FREM1: variants seen among roughly 807,000 people sequenced by gnomAD.
FREM1 encodes the protein FRAS1 related extracellular matrix 1, also known as FRAS1-related extracellular matrix protein 1.
Under a neutral mutation model 210.1 loss-of-function variants are expected in FREM1, and 220 were observed. The observed-to-expected ratio is 1.05, with a 90% CI of 0.94 to 1.17. The LOEUF is 1.17. Ranked by LOEUF, FREM1 falls within the 50% of genes most tolerant of loss-of-function variation. The pLI is 0.00. For missense variants in FREM1, 3,454 were observed against 2,675.5 expected, an observed-to-expected ratio of 1.29 and a Z score of -6.42; for synonymous variants, 1,189 against 980.2, an observed-to-expected ratio of 1.21 and a Z score of -3.98.
chr9:14,903,440 A>T (rs1460842288), intron 1 of FREM1, among the ~76,000 whole-genome samples: 2 of 151,938 alleles, frequency 1.3e-5, no homozygotes, highest in Non-Finnish European at 2.9e-5. Context: ...ATGACAATGG[A>T]TTCATGTTAA....
At chr9:14,843,433 G>T (rs1826030322) in intron 8 of FREM1, among the ~76,000 whole-genome samples, 1 of 152,070 alleles carries the variant, frequency 6.6e-6, no homozygotes, top group African/African-American at 2.4e-5. Flanking sequence ...AGCCTAACAA[G>T]GAACCTCTCA....
At chr9:14,821,688 C>T (rs1339945205) in intron 13 of FREM1, among the ~76,000 whole-genome samples, 2 of 152,136 alleles carry the variant, frequency 1.3e-5, no homozygotes, top group Non-Finnish European at 1.5e-5. Context: ...GATGGCAAGT[C>T]CACAGGTGTG....
At chr9:14,826,374 G>A (rs1422874213) in intron 10 of FREM1, among the ~76,000 whole-genome samples, 3 of 152,150 alleles carry the variant, frequency 2.0e-5, no homozygotes, top group Non-Finnish European at 4.4e-5. Flanking sequence ...TTACAGCCAT[G>A]AGCCACCACC....
chr9:14,784,050 C>A (rs1415705112), intron 24 of FREM1, among the ~76,000 whole-genome samples: 1 of 152,148 alleles, frequency 6.6e-6, no homozygotes, highest in African/African-American at 2.4e-5. Context: ...GATCTGTTTA[C>A]TGTGTATATT....
chr9:14,884,248 AAG>A (rs1041422505), intron 1 of FREM1, among the ~76,000 whole-genome samples: 2 of 152,182 alleles, frequency 1.3e-5, no homozygotes, highest in Non-Finnish European at 2.9e-5. Context: ...AAAAGAAAAA[AAG>A]AAAAAAAACA....
intron 1 of FREM1, among the ~76,000 whole-genome samples, chr9:14,906,994 A>T (rs1033311823): frequency 1.3e-5 from 2 of 152,236 alleles, no homozygotes; most frequent in African/African-American, 4.8e-5. Context: ...CATTTTGGGC[A>T]TCATTTTTTA....
intron 1 of FREM1, among the ~76,000 whole-genome samples, chr9:14,894,381 TGA>T (rs1837343040): frequency 6.6e-6 from 1 of 152,264 alleles, no homozygotes; most frequent in Admixed American, 6.5e-5. Context: ...TATCATCCAC[TGA>T]CAATTGTTGT....
chr9:14,869,169 G>C lies in FREM1; in HGVS notation c.-192C>G. Reference sequence around the variant, plus strand: ...AAGGGGGCCTTTCAGGCAATCCCAGGGCTTTTAATAAAACTCGCTGATCAC... The same window carrying C: ...AAGGGGGCCTTTCAGGCAATCCCAGCGCTTTTAATAAAACTCGCTGATCAC... On this transcript the variant is annotated 5_prime_UTR_variant, in exon 2 of 37. Transcript: ENST00000380880. 1.9e-6 allele frequency: 1 copy of C among 524,148 alleles called. No homozygotes were observed. Among genetic ancestry groups the C allele is most frequent in the African/African-American group, 1.9e-5 (1 of 53,360 alleles). 32.5% of individuals were successfully genotyped at this position (524,148 alleles called of 1,614,324 possible).
intron 27 of FREM1, among the ~76,000 whole-genome samples, chr9:14,765,779 G>A (rs1328022326): frequency 2.0e-5 from 3 of 152,206 alleles, no homozygotes; most frequent in Non-Finnish European, 4.4e-5. Context: ...AAGAATCAGA[G>A]TGCAGAACCG....
chr9:14,852,540 A>T (rs898344826), intron 5 of FREM1, among the ~76,000 whole-genome samples: 4 of 152,272 alleles, frequency 2.6e-5, no homozygotes, highest in Non-Finnish European at 4.4e-5. Flanking sequence ...AAGTAAAAAT[A>T]ATAAAATTAG....
At chr9:14,906,452 G>A (rs987201519) in intron 1 of FREM1, among the ~76,000 whole-genome samples, 11 of 152,134 alleles carry the variant, frequency 7.2e-5, no homozygotes, top group African/African-American at 2.7e-4. Flanking sequence ...TTAAAGTATT[G>A]CTGTTGTGTT....
At chr9:14,868,558 T>A (rs1831974507) in intron 2 of FREM1, among the ~76,000 whole-genome samples, 186 bp downstream of exon 2, 2 of 152,192 alleles carry the variant, frequency 1.3e-5, no homozygotes, top group African/African-American at 4.8e-5. Context: ...TCACCTCACA[T>A]AGAAAAGCAG....
At chr9:14,815,657 G>GA (rs1554678888) in intron 15 of FREM1, among the ~76,000 whole-genome samples, 1 of 151,736 alleles carries the variant, frequency 6.6e-6, no homozygotes, top group Non-Finnish European at 1.5e-5. Context: ...CATTCAAATT[G>GA]TTTTTTTTGA....
chr9:14,896,448 G>T (rs189988527), intron 1 of FREM1, among the ~76,000 whole-genome samples: 145 of 151,470 alleles, frequency 9.6e-4, no homozygotes, highest in Non-Finnish European at 1.8e-3. Flanking sequence ...GGAGGCTGAG[G>T]CAGGAGAATT....
chr9:14,791,829 G>GTT (rs1369182681), intron 22 of FREM1, among the ~76,000 whole-genome samples: 2 of 150,576 alleles, frequency 1.3e-5, no homozygotes, highest in Non-Finnish European at 3.0e-5. Flanking sequence ...GGTTTGTTTT[G>GTT]TTTTGTTTTG....
At chr9:14,803,680 T>G (rs548020037) in intron 19 of FREM1, among the ~76,000 whole-genome samples, 2 of 152,226 alleles carry the variant, frequency 1.3e-5, no homozygotes, top group Admixed American at 6.5e-5. Flanking sequence ...AAAGCATCCT[T>G]TCATTTCACC....
chr9:14,869,915 T>C (rs193216975), intron 1 of FREM1, among the ~76,000 whole-genome samples: 1 of 152,372 alleles, frequency 6.6e-6, no homozygotes, highest in South Asian at 2.1e-4. Flanking sequence ...TGGACATGCG[T>C]ATTTATACTA....
At chr9:14,762,083 G>A (rs1441580047) in intron 27 of FREM1, among the ~76,000 whole-genome samples, 1 of 152,134 alleles carries the variant, frequency 6.6e-6, no homozygotes, top group East Asian at 1.9e-4. Flanking sequence ...ACAGATAGGA[G>A]GGATTAGTGT....
At chr9:14,794,386 G>A (rs894646959) in intron 21 of FREM1, among the ~76,000 whole-genome samples, 2 of 152,158 alleles carry the variant, frequency 1.3e-5, no homozygotes, top group African/African-American at 2.4e-5. Context: ...ACTAGCTCCC[G>A]AGGTTAAGGG....
Sources: gnomAD v4.1 joint callset for allele counts (sites outside exome capture counted in the v4.1 genomes callset) on GRCh38, gnomAD v4.1.1 for gene constraint, MANE v1.5 for transcripts, NCBI Gene and HGNC (gene_info 2026-07-23, HGNC 2026-07-21) for gene names.